PAK4: variants seen among roughly 807,000 people sequenced by gnomAD.
The protein encoded by PAK4 is serine/threonine-protein kinase PAK 4.
PAK4 carries 49 observed loss-of-function variants against 53.5 expected under a neutral mutation model. That is an observed-to-expected ratio of 0.92 (90% CI 0.73 to 1.16). PAK4 has a LOEUF of 1.16. PAK4 is among the 50% of genes most tolerant of loss of function. The pLI is 0.00. For missense variants in PAK4, 824 were observed against 850.7 expected, an observed-to-expected ratio of 0.97 and a Z score of 0.39; for synonymous variants, 376 against 375.6, an observed-to-expected ratio of 1.00 and a Z score of -0.01.
intron 2 of PAK4, among the ~76,000 whole-genome samples, chr19:39,171,934 A>G: frequency 6.6e-6 from 1 of 152,232 alleles, no homozygotes; most frequent in East Asian, 1.9e-4. Flanking sequence ...CGAAGCAGAC[A>G]GGAAAAAACA....
chr19:39,129,160 C>G (rs965767753), intron 1 of PAK4, among the ~76,000 whole-genome samples: 1 of 152,156 alleles, frequency 6.6e-6, no homozygotes, highest in Non-Finnish European at 1.5e-5. Context: ...CCTCCCACCT[C>G]AGCCTCTGGA....
intron 1 of PAK4, chr19:39,136,524 C>T (rs2145126409): frequency 6.6e-6 from 1 of 152,436 alleles, no homozygotes; most frequent in South Asian, 2.1e-4. Context: ...GATGTTTCTT[C>T]CCGACCATGG....
rs925679123 is a variant in PAK4, at chr19:39,173,383, C to T, written c.663+7C>T. 4 of 1,515,458 alleles carry T rather than the reference C, an allele frequency of 2.6e-6. No individual in the cohort carries two copies. Among genetic ancestry groups the T allele is most frequent in the Non-Finnish European group, 3.5e-6 (4 of 1,130,534 alleles). 93.9% of individuals were successfully genotyped at this position (1,515,458 alleles called of 1,614,324 possible). A position where few individuals can be genotyped will look rare whatever the true frequency, so the allele number is the denominator to read the frequency against. On this transcript the variant is annotated splice_region_variant and intron_variant, in intron 3 of 8. Transcript: ENST00000358301. This position sits in a 1 kb window ranked among gnomAD's most constrained non-coding sequence, Gnocchi z 6.9. ...CCCATCCCGGGGTGCCCAGGTAACC[C>T]ATCCCCCGCCCCAGGGCCCCCACTG... is the stretch of plus-strand genomic sequence containing the variant.
At chr19:39,170,002 C>T (rs1055240981) in intron 2 of PAK4, among the ~76,000 whole-genome samples, 1 of 152,128 alleles carries the variant, frequency 6.6e-6, no homozygotes, top group African/African-American at 2.4e-5. Context: ...TGACAGCCCC[C>T]ACACCAGCCT....
intron 2 of PAK4, among the ~76,000 whole-genome samples, chr19:39,172,266 C>T (rs1057248530): frequency 2.6e-5 from 4 of 151,498 alleles, no homozygotes; most frequent in African/African-American, 9.7e-5. Context: ...GGAAATGGAA[C>T]GGGGGCAGAG....
At chr19:39,167,738 G>T (rs1177862808) in intron 1 of PAK4, among the ~76,000 whole-genome samples, 1 of 152,036 alleles carries the variant, frequency 6.6e-6, no homozygotes, top group Non-Finnish European at 1.5e-5. Context: ...TGGCTCCCAT[G>T]GATGGTCCTA....
At chr19:39,141,460 C>T (rs1230637216) in intron 1 of PAK4, among the ~76,000 whole-genome samples, 4 of 151,138 alleles carry the variant, frequency 2.6e-5, no homozygotes, top group South Asian at 2.1e-4. Context: ...GGACTACAGG[C>T]GTGTGCCATG....
At chr19:39,166,619 C>A (rs1455962752) in intron 1 of PAK4, among the ~76,000 whole-genome samples, 17 of 152,212 alleles carry the variant, frequency 1.1e-4, no homozygotes, top group Admixed American at 1.0e-3. Flanking sequence ...TAGGGCCAGT[C>A]GTGGCAGCCC....
rs771416465 is a variant in PAK4, at chr19:39,178,510, C to T, written c.1707C>T (p.His569=). The change falls in exon 9 of 9, where the codon CAC becomes CAT. Residue 569 remains histidine (H), a synonymous_variant. Transcript: ENST00000358301. The surrounding 1 kb of genome is among the most constrained non-coding windows in gnomAD (Gnocchi z 4.4). ...CCACGGCAGCCGAGCTGCTGAAGCA[C>T]CCATTCCTGGCCAAGGCAGGGCCGC... 3.7e-6 allele frequency: 6 copies of T among 1,612,212 alleles called. No homozygotes were observed. The African/African-American group carries it at 8.0e-5, about 22-fold the overall frequency.
chr19:39,136,815 T>C, intron 1 of PAK4, among the ~76,000 whole-genome samples: 1 of 152,192 alleles, frequency 6.6e-6, no homozygotes, highest in East Asian at 1.9e-4. Flanking sequence ...GAGCGTCTAA[T>C]GGGGACCCGC....
chr19:39,130,598 G>A (rs909101613), intron 1 of PAK4, among the ~76,000 whole-genome samples: 3 of 152,024 alleles, frequency 2.0e-5, no homozygotes, highest in African/African-American at 7.3e-5. Context: ...AGGCTATGCT[G>A]TGCACCCTGA....
chr19:39,167,101 C>T (rs983709861), intron 1 of PAK4, among the ~76,000 whole-genome samples: 3 of 152,218 alleles, frequency 2.0e-5, no homozygotes, highest in South Asian at 2.1e-4. Flanking sequence ...GCTCTTGCCC[C>T]GTCCCCAGGT....
At chr19:39,146,712 G>T (rs1232100377) in intron 1 of PAK4, among the ~76,000 whole-genome samples, 1 of 152,014 alleles carries the variant, frequency 6.6e-6, no homozygotes, top group Non-Finnish European at 1.5e-5. Flanking sequence ...GTGATGCTGT[G>T]CACCTGGAGT....
chr19:39,175,270 G>GTGCTGTCCAGCTGGC lies in PAK4; in HGVS notation c.1233-37_1233-23dup, dbSNP rs2074580022. ...GCTGCGTCCCCCTCGGCACCCCGGG[G>GTGCTGTCCAGCTGGC]TGCTGTCCAGCTGGCTGCTCACCCC... On this transcript the variant is annotated intron_variant, in intron 5 of 8. Transcript: ENST00000358301. The surrounding 1 kb of genome is among the most constrained non-coding windows in gnomAD (Gnocchi z 4.7). 6.5e-7 allele frequency: 1 copy of GTGCTGTCCAGCTGGC among 1,548,732 alleles called. No individual in the cohort carries two copies. Among genetic ancestry groups the GTGCTGTCCAGCTGGC allele is most frequent in the Non-Finnish European group, 8.8e-7 (1 of 1,142,608 alleles).
At chr19:39,172,374 G>A (rs768397310) in intron 2 of PAK4, among the ~76,000 whole-genome samples, 2 of 152,124 alleles carry the variant, frequency 1.3e-5, no homozygotes, top group Non-Finnish European at 2.9e-5. Flanking sequence ...ATTTGCATTT[G>A]CCACCCGGCT....
chr19:39,180,274 C>T (rs999363973), downstream of PAK4: 4 of 151,994 alleles, frequency 2.6e-5, no homozygotes, highest in African/African-American at 9.7e-5. Context: ...CAGCTGTGCT[C>T]TCTGCGATGT....
intron 1 of PAK4, among the ~76,000 whole-genome samples, chr19:39,159,888 A>G (rs1433554236): frequency 2.0e-5 from 3 of 152,186 alleles, no homozygotes; most frequent in Non-Finnish European, 2.9e-5. Context: ...CCCCACTTCC[A>G]AAGGCGTCCC....
At chr19:39,152,455 A>G (rs1326781182) in intron 1 of PAK4, 5 of 152,210 alleles carry the variant, frequency 3.3e-5, no homozygotes, top group Admixed American at 6.5e-5. Flanking sequence ...GGCAATTTGG[A>G]TATGCCAAAG....
chr19:39,178,900 G>C lies in PAK4; in HGVS notation c.*321G>C, dbSNP rs1411150531. ...TGGAAGTCTGCAGTGGGGGTCGCTG[G>C]GGGTGGAGAGAACACTAAGAGGTGA... On this transcript the variant is annotated 3_prime_UTR_variant, in exon 9 of 9. Coordinates refer to ENST00000358301, the Ensembl canonical transcript of PAK4. The surrounding 1 kb of genome is among the most constrained non-coding windows in gnomAD (Gnocchi z 4.4). The C allele has an allele frequency of 3.1e-6, 1 of 327,190 alleles. No homozygotes were observed. The highest frequency in any genetic ancestry group is 2.2e-5 in the African/African-American group (1 of 45,726). The allele number at this position is 327,190 out of a possible 1,614,324, so 20.3% of individuals were successfully genotyped here.
Sources: allele counts gnomAD v4.1 joint callset (sites outside exome capture counted in the v4.1 genomes callset), GRCh38; gene constraint gnomAD v4.1.1; non-coding constraint Gnocchi (gnomAD v3.1); transcripts MANE v1.5; gene names NCBI Gene and HGNC (gene_info 2026-07-23, HGNC 2026-07-21).